NBEAL1: variants seen among roughly 807,000 people sequenced by gnomAD.
The protein encoded by NBEAL1 is neurobeachin-like protein 1.
In NBEAL1, 273 loss-of-function variants were observed where a neutral mutation model predicts 351.3. The ratio of observed to expected loss-of-function variants is 0.78; its 90% CI spans 0.70 to 0.86. The LOEUF (loss-of-function observed/expected upper bound fraction) is 0.86, where lower values mean the gene tolerates loss of function less well. Ranked by LOEUF, NBEAL1 falls within the 40% of genes least tolerant of loss-of-function variation. The pLI is 0.00. For synonymous variants in NBEAL1, 1,050 were observed against 1,086.4 expected (o/e 0.97, Z 0.66); for missense variants, 2,961 against 3,201.3 (o/e 0.92, Z 1.81).
rs1463515786 is a variant in NBEAL1, at chr2:203,125,433, C to G, written c.2764C>G (p.Pro922Ala). 3.9e-6 allele frequency: 6 copies of G among 1,546,820 alleles called. No individual in the cohort carries two copies. The Admixed American group carries it at 8.0e-5, about 21-fold the overall frequency. The change falls in exon 20 of 56, where the codon CCT becomes GCT. Residue 922 changes from proline to alanine, a missense_variant. Coordinates refer to ENST00000683969, the MANE Select transcript of NBEAL1 (RefSeq NM_001378026.1). ...QISHFSEGQI[P>A]EEKNESTVPE... ...CAGCCACTTTAGTGAAGGACAGATT[C>G]CTGAAGAAAAGAATGAAAGCACAGT...
intron 6 of NBEAL1, among the ~76,000 whole-genome samples, chr2:203,068,178 A>C (rs2061624457): frequency 1.3e-5 from 2 of 152,190 alleles, no homozygotes; most frequent in African/African-American, 4.8e-5. Flanking sequence ...TAAACTAGCT[A>C]CCATGTTGCA....
chr2:203,187,971 A>G (rs2064958763), intron 44 of NBEAL1, among the ~76,000 whole-genome samples: 1 of 152,054 alleles, frequency 6.6e-6, no homozygotes, highest in Non-Finnish European at 1.5e-5. Context: ...ATCACTAGTA[A>G]TTTACAGGAG....
intron 12 of NBEAL1, among the ~76,000 whole-genome samples, chr2:203,106,855 A>G (rs1473998612): frequency 6.6e-6 from 1 of 152,120 alleles, no homozygotes; most frequent in Non-Finnish European, 1.5e-5. Context: ...TTGGGTGCCT[A>G]CTGGTTCAAA....
In NBEAL1 at chr2:203,176,729, CA is replaced by C. The variant is rs10655926; in HGVS notation, c.6464+1457del. 2.3e-3 allele frequency among the ~76,000 whole-genome samples: 310 copies of C among 133,150 alleles called. 1 individual carries two copies. Among genetic ancestry groups the C allele is most frequent in the African/African-American group, 6.2e-3 (223 of 35,740 alleles). 87.4% of individuals were successfully genotyped at this position (133,150 alleles called of 152,430 possible). A position where few individuals can be genotyped will look rare whatever the true frequency, so the allele number is the denominator to read the frequency against. ...GCTGGGTGAAGGAGTGAAACTGTCT[CA>C]AAAAAAAAAAAAAATGCAATAAAGT... On this transcript the variant is annotated intron_variant, in intron 42 of 55. Transcript: ENST00000683969.
At chr2:203,044,559 A>G (rs894013954) in intron 3 of NBEAL1, among the ~76,000 whole-genome samples, 4 of 152,188 alleles carry the variant, frequency 2.6e-5, no homozygotes, top group African/African-American at 7.2e-5. Context: ...TATTGCCACT[A>G]TGTTTAAAGT....
At chr2:203,034,395 G>A (rs538413508) in intron 2 of NBEAL1, among the ~76,000 whole-genome samples, 7 of 147,670 alleles carry the variant, frequency 4.7e-5, no homozygotes, top group Non-Finnish European at 9.1e-5. Context: ...CTGACCTTGC[G>A]ATCCGCCCAC....
intron 15 of NBEAL1, among the ~76,000 whole-genome samples, chr2:203,110,780 T>TG (rs2062553625): frequency 6.9e-6 from 1 of 145,280 alleles, no homozygotes; most frequent in Non-Finnish European, 1.5e-5. Context: ...TTTTTTTTTT[T>TG]TTTTGAGATA....
At chr2:203,138,512 A>G in intron 30 of NBEAL1, 108 bp from the exon 31 acceptor site, 1 of 1,210,606 alleles carries the variant, frequency 8.3e-7, no homozygotes, top group African/African-American at 1.5e-5. Flanking sequence ...TGAACATTGG[A>G]CTAGCTTTTG....
chr2:203,183,468 A>C (rs370175378), intron 44 of NBEAL1, 80 bp downstream of exon 44: 1 of 797,700 alleles, frequency 1.3e-6, no homozygotes, highest in African/African-American at 1.7e-5. Flanking sequence ...AATCTGACTT[A>C]GTTATTTTTC....
chr2:203,177,396 G>A (rs2064543254), intron 42 of NBEAL1, among the ~76,000 whole-genome samples: 1 of 150,648 alleles, frequency 6.6e-6, no homozygotes, highest in South Asian at 2.1e-4. Flanking sequence ...AAAGAGGAAG[G>A]GGGAAGAGTT....
At chr2:203,187,254 C>T (rs931961287) in intron 44 of NBEAL1, among the ~76,000 whole-genome samples, 7 of 151,574 alleles carry the variant, frequency 4.6e-5, no homozygotes, top group South Asian at 2.1e-4. Context: ...GAGTGGGTTT[C>T]GCCATGTTGC....
At chr2:203,047,309 T>G (rs1020678703) in intron 3 of NBEAL1, among the ~76,000 whole-genome samples, 3 of 152,152 alleles carry the variant, frequency 2.0e-5, no homozygotes, top group Admixed American at 1.3e-4. Context: ...CCACCTGTCA[T>G]GTACTGGCAA....
At chr2:203,045,118 C>T (rs1331155258) in intron 3 of NBEAL1, among the ~76,000 whole-genome samples, 1 of 152,126 alleles carries the variant, frequency 6.6e-6, no homozygotes, top group East Asian at 1.9e-4. Context: ...AAAAATCTTT[C>T]TGAGGAGCTA....
intron 2 of NBEAL1, among the ~76,000 whole-genome samples, chr2:203,016,825 C>T (rs1475650590): frequency 6.6e-6 from 1 of 152,110 alleles, no homozygotes; most frequent in Non-Finnish European, 1.5e-5. Context: ...TTGGAATGAA[C>T]CTTTGAAATT....
chr2:203,149,222 C>A, intron 34 of NBEAL1, 74 bp downstream of exon 34: 4 of 993,226 alleles, frequency 4.0e-6, no homozygotes, highest in Non-Finnish European at 1.4e-6. Flanking sequence ...AGCAAATGCC[C>A]CCTTTCACTC....
At chr2:203,111,591 C>G (rs2062574368) in intron 15 of NBEAL1, among the ~76,000 whole-genome samples, 1 of 151,970 alleles carries the variant, frequency 6.6e-6, no homozygotes. Flanking sequence ...AGGCTGGTCT[C>G]GAACTCCTGA....
intron 2 of NBEAL1, chr2:203,040,891 C>T: frequency 2.6e-6 from 1 of 389,066 alleles, no homozygotes; most frequent in Non-Finnish European, 4.9e-6. Flanking sequence ...CATCTGCCAG[C>T]TGAACAAGAC....
At chr2:203,119,466 G>T (rs2062780839) in intron 18 of NBEAL1, among the ~76,000 whole-genome samples, 1 of 88,204 alleles carries the variant, frequency 1.1e-5, no homozygotes, top group South Asian at 4.1e-4. Flanking sequence ...TCGCTCTGTT[G>T]CCAGGCTGGA....
At chr2:203,123,342 CTTTTTTTTT>C (rs556349216) in intron 19 of NBEAL1, among the ~76,000 whole-genome samples, 1 of 139,048 alleles carries the variant, frequency 7.2e-6, no homozygotes, top group African/African-American at 2.6e-5. Context: ...TTTCTTTTTT[CTTTTTTTTT>C]TTTTTGAGGC....
Sources: gnomAD v4.1 joint callset for allele counts (sites outside exome capture counted in the v4.1 genomes callset) on GRCh38, gnomAD v4.1.1 for gene constraint, MANE v1.5 for transcripts, NCBI Gene and HGNC (gene_info 2026-07-23, HGNC 2026-07-21) for gene names.